Variants in C1orf185 observed in about 807,000 individuals in gnomAD.
C1orf185 encodes uncharacterized protein C1orf185.
Under a neutral mutation model 16.1 loss-of-function variants are expected in C1orf185, and 13 were observed. The ratio of observed to expected loss-of-function variants is 0.81; its 90% confidence interval spans 0.53 to 1.28. The LOEUF is 1.28. C1orf185 is among the 50% of genes most tolerant of loss of function. The pLI, the probability that C1orf185 is intolerant of heterozygous loss-of-function variation, is 0.00. For missense variants in C1orf185, 220 were observed against 225.2 expected (o/e 0.98, Z 0.15); for synonymous variants, 80 against 76.9 (o/e 1.04, Z -0.21).
intron 1 of C1orf185, among the ~76,000 whole-genome samples, chr1:51,110,196 T>C (rs922789717): frequency 6.6e-6 from 1 of 152,200 alleles, no homozygotes; most frequent in Non-Finnish European, 1.5e-5. Flanking sequence ...GCAGAAATCA[T>C]AGTATTTAAC....
chr1:51,144,652 G>A (rs1646387336), intron 3 of C1orf185, among the ~76,000 whole-genome samples: 1 of 152,224 alleles, frequency 6.6e-6, no homozygotes, highest in South Asian at 2.1e-4. Flanking sequence ...AGTTGAGGCT[G>A]CAGTGAGCTG....
intron 1 of C1orf185, among the ~76,000 whole-genome samples, chr1:51,109,944 T>C (rs1331573213): frequency 6.6e-6 from 1 of 152,214 alleles, no homozygotes; most frequent in Admixed American, 6.5e-5. Context: ...GTTATTTTGA[T>C]AGGGATTCTA....
chr1:51,140,187 G>A (rs566394658), intron 3 of C1orf185, among the ~76,000 whole-genome samples: 3 of 152,180 alleles, frequency 2.0e-5, no homozygotes, highest in Non-Finnish European at 2.9e-5. Flanking sequence ...GTTGTCTCAC[G>A]CCTCAAACAC....
At chr1:51,133,118 C>T (rs993053727) in intron 3 of C1orf185, among the ~76,000 whole-genome samples, 8 of 152,038 alleles carry the variant, frequency 5.3e-5, no homozygotes, top group Admixed American at 1.3e-4. Context: ...CTGAAGTATA[C>T]GGACCAGTGA....
intron 3 of C1orf185, among the ~76,000 whole-genome samples, chr1:51,132,737 A>G (rs977021975): frequency 6.6e-6 from 1 of 152,144 alleles, no homozygotes; most frequent in Non-Finnish European, 1.5e-5. Context: ...CAAGAATATT[A>G]TCCCCGAGAC....
intron 1 of C1orf185, among the ~76,000 whole-genome samples, chr1:51,102,736 G>A (rs1393023304): frequency 6.6e-6 from 1 of 151,268 alleles, no homozygotes; most frequent in African/African-American, 2.4e-5. Context: ...ATTAATTTCT[G>A]TTCTTTATTA....
At chr1:51,123,408 T>C (rs936076698) in intron 3 of C1orf185, among the ~76,000 whole-genome samples, 4 of 152,232 alleles carry the variant, frequency 2.6e-5, no homozygotes, top group African/African-American at 7.2e-5. Context: ...TATTTATCCA[T>C]TCACCTATGG....
intron 3 of C1orf185, among the ~76,000 whole-genome samples, chr1:51,122,595 C>T (rs112988128): frequency 5.3e-5 from 8 of 152,314 alleles, no homozygotes; most frequent in African/African-American, 1.4e-4. Context: ...CACATTGACA[C>T]ATAATAATCC....
intron 3 of C1orf185, among the ~76,000 whole-genome samples, chr1:51,122,822 C>T (rs925429737): frequency 6.6e-6 from 1 of 152,150 alleles, no homozygotes; most frequent in Admixed American, 6.6e-5. Context: ...AGAATAGGCA[C>T]ATTTGTCATA....
rs117309024 is a variant in C1orf185 at position 51,119,789 on chromosome 1, C to A, written c.258+988C>A. On this transcript the variant is annotated intron_variant, in intron 3 of 4. Transcript: ENST00000371759. Reference sequence around the variant, plus strand: ...CACTCCAGCCTAGGTGACAGCAAGACCCTGTCTCAAAAACAAACACATTTG... The same window carrying A: ...CACTCCAGCCTAGGTGACAGCAAGAACCTGTCTCAAAAACAAACACATTTG... 7.1e-3 allele frequency among the ~76,000 whole-genome samples: 1,077 copies of A among 152,242 alleles called. 32 individuals carry two copies. The highest frequency in any genetic ancestry group is 0.041 in the East Asian group (213 of 5,188).
intron 3 of C1orf185, among the ~76,000 whole-genome samples, chr1:51,120,905 T>A (rs888930972): frequency 1.3e-5 from 2 of 152,268 alleles, no homozygotes; most frequent in East Asian, 3.9e-4. Flanking sequence ...TTTTATGAAA[T>A]TTTTAGTGTA....
chr1:51,131,147 C>A (rs773415139), intron 3 of C1orf185, among the ~76,000 whole-genome samples: 1 of 152,194 alleles, frequency 6.6e-6, no homozygotes, highest in Non-Finnish European at 1.5e-5. Flanking sequence ...AGGTGATCTG[C>A]CCACCTTGGC....
At chr1:51,112,197 C>G (rs1646126661) in intron 1 of C1orf185, among the ~76,000 whole-genome samples, 2 of 150,994 alleles carry the variant, frequency 1.3e-5, no homozygotes, top group Non-Finnish European at 2.9e-5. Context: ...GGCAGCTGTA[C>G]AAACACAAAC....
At chr1:51,126,574 T>C (rs1570307278) in intron 3 of C1orf185, among the ~76,000 whole-genome samples, 1 of 152,096 alleles carries the variant, frequency 6.6e-6, no homozygotes, top group Non-Finnish European at 1.5e-5. Context: ...TACTGAAAAA[T>C]GTATATGTTT....
chr1:51,125,895 T>A (rs967823669), intron 3 of C1orf185, among the ~76,000 whole-genome samples: 1 of 152,162 alleles, frequency 6.6e-6, no homozygotes, highest in African/African-American at 2.4e-5. Flanking sequence ...CGGTGGCTCA[T>A]ACTTGTAATC....
At chr1:51,140,512 TG>T (rs1646357607) in intron 3 of C1orf185, among the ~76,000 whole-genome samples, 1 of 152,248 alleles carries the variant, frequency 6.6e-6, no homozygotes, top group South Asian at 2.1e-4. Flanking sequence ...GTGATTTGTT[TG>T]GCTCTATGAA....
At chr1:51,114,729 A>G (rs901819683) in intron 2 of C1orf185, among the ~76,000 whole-genome samples, 1 of 152,344 alleles carries the variant, frequency 6.6e-6, no homozygotes, top group Non-Finnish European at 1.5e-5. Flanking sequence ...CTCAAAAATA[A>G]ATAAGTAAAT....
chr1:51,129,711 C>T (rs1646269246), intron 3 of C1orf185: 2 of 152,330 alleles, frequency 1.3e-5, no homozygotes, highest in South Asian at 2.1e-4. Flanking sequence ...CTGAAAGATC[C>T]GGTTCTGGTG....
In C1orf185 at chr1:51,147,553, C is replaced by T. The variant is rs925923164; in HGVS notation, c.382C>T (p.Arg128Cys). The T allele has an allele frequency of 5.8e-5, 90 of 1,551,412 alleles. No individual in the cohort carries two copies. Among genetic ancestry groups the T allele is most frequent in the South Asian group, 2.4e-4 (20 of 84,026 alleles). Residue 128 changes from arginine to cysteine, a missense_variant, in exon 5 of 5, where the codon CGC becomes TGC. Transcript: ENST00000371759. ...CTCAGAGACCAGCTCCACAACAAATCGCAGCAGTGTTACATTAAGCTTATC... is the reference window on the plus strand; with the variant it reads ...CTCAGAGACCAGCTCCACAACAAATTGCAGCAGTGTTACATTAAGCTTATC... ...DPSETSSTTN[R>C]SSVTLSLSTL...
Sources: allele counts gnomAD v4.1 joint callset (sites outside exome capture counted in the v4.1 genomes callset), GRCh38; gene constraint gnomAD v4.1.1; transcripts MANE v1.5; gene names NCBI Gene and HGNC (gene_info 2026-07-23, HGNC 2026-07-21).